Variants in PEX14 observed in about 807,000 individuals in gnomAD.
The protein encoded by PEX14 is peroxisomal membrane protein PEX14.
In PEX14, 15 loss-of-function variants were observed where a neutral mutation model predicts 49.5. The observed-to-expected ratio is 0.30, with a 90% CI of 0.20 to 0.47. PEX14 has a LOEUF of 0.47. Ranked by LOEUF, PEX14 falls within the 20% of genes least tolerant of loss-of-function variation. The probability of loss-of-function intolerance (pLI) is 1.00; values close to 1 mark genes in which losing one functional copy is unlikely to be tolerated. For missense variants in PEX14, 398 were observed against 494.8 expected, an observed-to-expected ratio of 0.80 and a Z score of 1.86; for synonymous variants, 210 against 212.7, an observed-to-expected ratio of 0.99 and a Z score of 0.11.
chr1:10,481,622 A>G (rs1023369553), intron 1 of PEX14, among the ~76,000 whole-genome samples: 2 of 151,604 alleles, frequency 1.3e-5, no homozygotes, highest in African/African-American at 4.8e-5. Context: ...TTTTTTGTAG[A>G]GGTCGGGTCT....
chr1:10,561,838 C>T (rs1052090393), intron 3 of PEX14, among the ~76,000 whole-genome samples: 1 of 152,050 alleles, frequency 6.6e-6, no homozygotes, highest in African/African-American at 2.4e-5. Context: ...AAAGAGCTCT[C>T]TCCTCTTTCC....
intron 3 of PEX14, among the ~76,000 whole-genome samples, chr1:10,542,654 G>A (rs528139786): frequency 6.6e-6 from 1 of 152,244 alleles, no homozygotes; most frequent in South Asian, 2.1e-4. Context: ...CCAGCTACTC[G>A]CGAGGCTGAG....
At chr1:10,509,592 C>T (rs1017551551) in intron 2 of PEX14, among the ~76,000 whole-genome samples, 4 of 152,122 alleles carry the variant, frequency 2.6e-5, no homozygotes, top group African/African-American at 7.2e-5. Flanking sequence ...GTGACCTCAG[C>T]GGGCTCCATC....
At position 10,623,914 on chromosome 1, in the gene PEX14, G is replaced by A. The variant is rs907209855; in HGVS notation, c.488-426G>A. On this transcript the variant is annotated intron_variant, in intron 6 of 8. Transcript: ENST00000356607. This position sits in a 1 kb window ranked among gnomAD's most constrained non-coding sequence, Gnocchi z 4.4. ...AGGAGCAGTGGGAAACAGGACGTGC[G>A]GCTTGAGCCACTCCTGGATGTGAAT... 7.9e-5 allele frequency among the ~76,000 whole-genome samples: 12 copies of A among 152,252 alleles called. No homozygotes were observed. Among genetic ancestry groups the A allele is most frequent in the East Asian group, 1.9e-4 (1 of 5,178 alleles).
intron 2 of PEX14, among the ~76,000 whole-genome samples, chr1:10,516,219 A>G (rs1374426875): frequency 6.6e-6 from 1 of 152,222 alleles, no homozygotes; most frequent in Non-Finnish European, 1.5e-5. Context: ...TCATTTATTA[A>G]TGCTAATGCT....
intron 3 of PEX14, among the ~76,000 whole-genome samples, chr1:10,554,415 G>T (rs12562838): frequency 6.6e-6 from 1 of 152,176 alleles, no homozygotes; most frequent in Admixed American, 6.5e-5. Flanking sequence ...TAACTGACTT[G>T]CTGGGAGATC....
At chr1:10,505,208 A>G (rs57421116) in intron 2 of PEX14, among the ~76,000 whole-genome samples, 1 of 152,188 alleles carries the variant, frequency 6.6e-6, no homozygotes, top group South Asian at 2.1e-4. Flanking sequence ...GGTGGCTCAC[A>G]CCTGTAATCC....
In PEX14 at chr1:10,539,153, G is replaced by A. The variant is rs1348929945; in HGVS notation, c.169+2856G>A. ...GGGGCTGCATCCTGTCCGTGTTACCGACTGGTTAAGTGTTGTGCTCTGTGA... is the reference window on the plus strand; with the variant it reads ...GGGGCTGCATCCTGTCCGTGTTACCAACTGGTTAAGTGTTGTGCTCTGTGA... On this transcript the variant is annotated intron_variant, in intron 3 of 8. Transcript: ENST00000356607. The surrounding 1 kb of genome is among the most constrained non-coding windows in gnomAD (Gnocchi z 4.6). 6.6e-6 allele frequency among the ~76,000 whole-genome samples: 1 copy of A among 152,134 alleles called. No individual in the cohort carries two copies. The highest frequency in any genetic ancestry group is 1.5e-5 in the Non-Finnish European group (1 of 68,030).
chr1:10,567,798 T>G (rs1167864628), intron 3 of PEX14, among the ~76,000 whole-genome samples: 4 of 152,120 alleles, frequency 2.6e-5, no homozygotes, highest in Non-Finnish European at 5.9e-5. Context: ...CCTGGCCTAA[T>G]TTTCTTATTT....
intron 3 of PEX14, among the ~76,000 whole-genome samples, chr1:10,593,511 T>A (rs1640731550): frequency 6.6e-6 from 1 of 152,184 alleles, no homozygotes; most frequent in Non-Finnish European, 1.5e-5. Context: ...AACAGCCCCC[T>A]GCCACTCCCC....
chr1:10,629,542 C>G lies in PEX14; in HGVS notation c.689C>G (p.Pro230Arg), dbSNP rs538606060. 6.2e-7 allele frequency: 1 copy of G among 1,613,016 alleles called. No individual in the cohort carries two copies. Among genetic ancestry groups the G allele is most frequent in the African/African-American group, 1.3e-5 (1 of 75,032 alleles). Reference protein sequence around the residue: ...KGLLLNRRQFPPSPSAPKIPS... With the variant: ...KGLLLNRRQFRPSPSAPKIPS... ...TCTTCTCCCTCTAGGAGGCAGTTCC[C>G]TCCATCCCCATCAGCCCCGAAGATC... The change falls in exon 9 of 9, where the codon CCT becomes CGT. Residue 230 changes from proline (P) to arginine (R), a missense_variant. This residue lies in a region of PEX14 where 202 missense variants were observed against 298.5 expected (regional missense o/e 0.68). Transcript: ENST00000356607. The surrounding 1 kb of genome is among the most constrained non-coding windows in gnomAD (Gnocchi z 8.5).
Position 10,491,245 on chromosome 1 carries a change from A to G in PEX14, c.37-4029A>G, listed in dbSNP as rs749339828. Among the ~76,000 whole-genome samples, 147 of 150,954 alleles carry G rather than the reference A, an allele frequency of 9.7e-4. 4 individuals are homozygous for G. Among genetic ancestry groups the G allele is most frequent in the Non-Finnish European group, 3.2e-4 (22 of 67,928 alleles). On this transcript the variant is annotated intron_variant, in intron 1 of 8. Transcript: ENST00000356607. ...CAGGGTAGGCCATGATTAAAAAAAT[A>G]AAAAAAAGGCCAGGTGTGGTGGCTC...
chr1:10,568,326 C>T (rs1331441510), intron 3 of PEX14, among the ~76,000 whole-genome samples: 2,279 of 8,610 alleles, frequency 0.26, 113 homozygotes, highest in African/African-American at 0.32. Flanking sequence ...ATACTCTTCC[C>T]CCCCCCCCCC....
At chr1:10,626,760 G>C (rs1042518973) in intron 7 of PEX14, among the ~76,000 whole-genome samples, 1 of 152,238 alleles carries the variant, frequency 6.6e-6, no homozygotes, top group East Asian at 1.9e-4. Flanking sequence ...CCAGCAGCTC[G>C]CATTTGGGGA....
At chr1:10,556,393 G>A (rs1639490107) in intron 3 of PEX14, among the ~76,000 whole-genome samples, 1 of 152,138 alleles carries the variant, frequency 6.6e-6, no homozygotes, top group African/African-American at 2.4e-5. Flanking sequence ...TTGGGTTGGG[G>A]GGTGCCTATC....
chr1:10,493,742 G>A (rs1352710878), intron 1 of PEX14, among the ~76,000 whole-genome samples: 1 of 152,178 alleles, frequency 6.6e-6, no homozygotes, highest in Non-Finnish European at 1.5e-5. Context: ...GAGTATGGCA[G>A]ACTTGATGTA....
intron 4 of PEX14, among the ~76,000 whole-genome samples, chr1:10,608,180 C>A (rs928038107): frequency 1.3e-5 from 2 of 152,158 alleles, no homozygotes; most frequent in Non-Finnish European, 2.9e-5. Flanking sequence ...GTTGCCCAGG[C>A]ATGAGCCACT....
intron 3 of PEX14, among the ~76,000 whole-genome samples, chr1:10,562,607 G>T (rs1014547018): frequency 1.3e-5 from 2 of 152,278 alleles, no homozygotes; most frequent in South Asian, 4.1e-4. Flanking sequence ...GAGTGGTATT[G>T]TGTCTTTCCG....
chr1:10,520,994 A>T (rs2506885), intron 2 of PEX14, among the ~76,000 whole-genome samples: 35,902 of 110,216 alleles, frequency 0.33, 5,055 homozygotes, highest in Admixed American at 0.4. Context: ...TTTTTTTTTT[A>T]AACATTTTGA....
Sources: gnomAD v4.1 joint callset for allele counts (sites outside exome capture counted in the v4.1 genomes callset) on GRCh38, gnomAD v4.1.1 for gene constraint, gnomAD v4.1.1 regional missense constraint, Gnocchi (gnomAD v3.1) non-coding constraint, MANE v1.5 for transcripts, NCBI Gene and HGNC (gene_info 2026-07-23, HGNC 2026-07-21) for gene names.